The following C20orf96 variants were observed in gnomAD, a reference collection of about 807,000 sequenced individuals.
C20orf96 encodes the protein chromosome 20 open reading frame 96.
C20orf96 carries 57 observed loss-of-function variants against 52.6 expected under a neutral mutation model. That is an observed-to-expected ratio of 1.08 (90% CI 0.88 to 1.35). The LOEUF (loss-of-function observed/expected upper bound fraction) is 1.35, where lower values mean the gene tolerates loss of function less well. Among genes scored for constraint, C20orf96 ranks in the 40% most tolerant of loss-of-function variants. The pLI is 0.00. For missense variants in C20orf96, 478 were observed against 443.6 expected, an observed-to-expected ratio of 1.08 and a Z score of -0.70; for synonymous variants, 168 against 157.2, an observed-to-expected ratio of 1.07 and a Z score of -0.51.
chr20:279,848 T>G (rs956133365), intron 4 of C20orf96, among the ~76,000 whole-genome samples: 5 of 152,182 alleles, frequency 3.3e-5, no homozygotes, highest in African/African-American at 9.6e-5. Context: ...CGCGTGCCTG[T>G]AATGCCAGCT....
At chr20:288,705 G>T (rs970833461) in intron 3 of C20orf96, among the ~76,000 whole-genome samples, 1 of 152,158 alleles carries the variant, frequency 6.6e-6, no homozygotes, top group African/African-American at 2.4e-5. Context: ...TTTCAGTGTT[G>T]CCCACAGGGG....
At chr20:285,728 C>A (rs1393850040) in intron 3 of C20orf96, among the ~76,000 whole-genome samples, 4 of 152,072 alleles carry the variant, frequency 2.6e-5, no homozygotes, top group African/African-American at 9.7e-5. Flanking sequence ...ATAACAGGTG[C>A]CCGCCACCAC....
chr20:274,113 T>A (rs1226732162), intron 10 of C20orf96, among the ~76,000 whole-genome samples: 8 of 152,104 alleles, frequency 5.3e-5, no homozygotes, highest in Admixed American at 6.5e-5. Context: ...ACTTGGAATC[T>A]GCTTTTTAAC....
In C20orf96 at chr20:276,875, G is replaced by A. The variant is rs769920971; in HGVS notation, c.830C>T (p.Thr277Ile). The stretch of plus-strand genomic sequence containing the variant: ...GAGAGCCTCTTCATAGGGACGCTGG[G>A]TTTCCTGTGGAGGAAGAAGAGGTCT... ...KKILSSVVAE[T>I]QRPYEEALLQ... The change falls in exon 9 of 11, where the codon ACC (threonine) becomes ATC (isoleucine). Residue 277 changes from threonine (T) to isoleucine (I), a missense_variant. Transcript: ENST00000360321. 3 of 1,614,006 alleles carry A rather than the reference G, an allele frequency of 1.9e-6. No homozygotes were observed. Among genetic ancestry groups the A allele is most frequent in the Non-Finnish European group, 2.5e-6 (3 of 1,179,940 alleles).
intron 9 of C20orf96, 119 bp downstream of exon 9, chr20:276,674 C>T: frequency 6.7e-7 from 1 of 1,501,198 alleles, no homozygotes; most frequent in Middle Eastern, 1.8e-4. Flanking sequence ...GAGGCCAACA[C>T]CAGAGTCAGA....
At position 276,823 on chromosome 20, in the gene C20orf96, G is replaced by T; in HGVS notation, c.882C>A (p.Asp294Glu). 1 of 1,613,722 alleles carries T rather than the reference G, an allele frequency of 6.2e-7. No individual in the cohort carries two copies. Among genetic ancestry groups the T allele is most frequent in the Non-Finnish European group, 8.5e-7 (1 of 1,179,816 alleles). Residue 294 changes from aspartate (D) to glutamate (E), a missense_variant, in exon 9 of 11, where the codon GAC becomes GAA. Coordinates refer to ENST00000360321, the MANE Select transcript of C20orf96 (RefSeq NM_153269.3). ...TGAACCTTTGCATGCATTTCAGGAAGTCCTGGCTTTCCCACATCTTCTGTA... is the reference window on the plus strand; with the variant it reads ...TGAACCTTTGCATGCATTTCAGGAATTCCTGGCTTTCCCACATCTTCTGTA... ...ALLQKMWESQDFLKCMQRFRE... is the reference protein window; with the variant it reads ...ALLQKMWESQEFLKCMQRFRE...
At chr20:285,707 G>A (rs1000885723) in intron 3 of C20orf96, among the ~76,000 whole-genome samples, 49 of 152,140 alleles carry the variant, frequency 3.2e-4, no homozygotes, top group African/African-American at 1.2e-3. Context: ...TCAGCCTCCT[G>A]AATAGCTGGG....
At chr20:290,081 G>A (rs540099608) in intron 2 of C20orf96, among the ~76,000 whole-genome samples, 178 bp downstream of exon 2, 22 of 152,280 alleles carry the variant, frequency 1.4e-4, no homozygotes, top group South Asian at 8.3e-4. Context: ...ACAGTGAGAG[G>A]AGAAAAATGA....
intron 2 of C20orf96, among the ~76,000 whole-genome samples, 156 bp downstream of exon 2, chr20:290,103 T>C (rs1161219318): frequency 6.6e-6 from 1 of 152,148 alleles, no homozygotes; most frequent in African/African-American, 2.4e-5. Context: ...GTTCTGAGGC[T>C]TGCTCTGGGT....
intron 9 of C20orf96, 159 bp from the exon 10 acceptor site, chr20:276,245 A>G (rs3827150): frequency 0.42 from 409,361 of 984,922 alleles, 85,749 homozygotes; most frequent in Non-Finnish European, 0.43. Flanking sequence ...TCCCCATGCA[A>G]GGTGCGGCTG....
Position 277,248 on chromosome 20 carries a change from TGCA to T in C20orf96, c.698_700del (p.Leu233del). ...TACCTGCTGGCTGTCCTTAACCTGC[TGCA>T]GCTGGCGCATAAGAGTGGAGATCTG... On this transcript the variant is annotated inframe_deletion, in exon 7 of 11. Coordinates refer to ENST00000360321, the MANE Select transcript of C20orf96 (RefSeq NM_153269.3). 1 of 1,614,196 alleles carries T rather than the reference TGCA, an allele frequency of 6.2e-7. No homozygotes were observed. Among genetic ancestry groups the T allele is most frequent in the South Asian group, 1.1e-5 (1 of 91,092 alleles).
At position 270,872 on chromosome 20, in the gene C20orf96, A is replaced by T. The variant is rs1190605432; in HGVS notation, c.*335T>A. 2 of 305,730 alleles carry T rather than the reference A, an allele frequency of 6.5e-6. No individual in the cohort carries two copies. The highest frequency in any genetic ancestry group is 1.2e-5 in the Non-Finnish European group (2 of 163,686). 18.9% of individuals were successfully genotyped at this position (305,730 alleles called of 1,614,324 possible). A position where few individuals can be genotyped will look rare whatever the true frequency, so the allele number is the denominator to read the frequency against. ...AGACACTGGCAAAAAAGCAAATGTA[A>T]ATCCAGCTTTATTGGTAAAAAAGGA... On this transcript the variant is annotated 3_prime_UTR_variant, in exon 11 of 11. Coordinates refer to ENST00000360321, the MANE Select transcript of C20orf96 (RefSeq NM_153269.3).
intron 10 of C20orf96, 75 bp downstream of exon 10, chr20:275,893 T>A: frequency 7.0e-7 from 1 of 1,419,148 alleles, no homozygotes; most frequent in Non-Finnish European, 1.0e-6. Flanking sequence ...CCAGGCTGCC[T>A]TCCCCAAGAA....
At chr20:279,073 A>T (rs866050929) in intron 5 of C20orf96, 99 bp downstream of exon 5, 2 of 444,122 alleles carry the variant, frequency 4.5e-6, no homozygotes, top group South Asian at 6.6e-5. Flanking sequence ...GGAGGGAGGG[A>T]GGGAGGGACG....
intron 3 of C20orf96, among the ~76,000 whole-genome samples, chr20:287,254 A>G (rs937482738): frequency 1.3e-5 from 2 of 152,238 alleles, no homozygotes; most frequent in Admixed American, 1.3e-4. Flanking sequence ...ACTTGTTTCC[A>G]GAGAGGCTGC....
chr20:273,248 T>C (rs1346487918), intron 10 of C20orf96, among the ~76,000 whole-genome samples: 2 of 152,218 alleles, frequency 1.3e-5, no homozygotes, highest in East Asian at 3.9e-4. Flanking sequence ...ACGCTGAGAT[T>C]ACAGGCATGA....
Position 290,322 on chromosome 20 carries a change from G to T in C20orf96, c.21-15C>A, listed in dbSNP as rs761963771. The T allele has an allele frequency of 5.0e-6, 8 of 1,612,256 alleles. No homozygotes were observed. The highest frequency in any genetic ancestry group is 6.8e-6 in the Non-Finnish European group (8 of 1,179,118). On this transcript the variant is annotated splice_polypyrimidine_tract_variant and intron_variant, in intron 1 of 10. Transcript: ENST00000360321. ...AGTGCTTGGGTCTGGAAAGAGTTGGGAAGGGAAAGAACTTCCATTATCCCC... is the reference window on the plus strand; with the variant it reads ...AGTGCTTGGGTCTGGAAAGAGTTGGTAAGGGAAAGAACTTCCATTATCCCC...
In C20orf96 at chr20:279,376, G is replaced by A. The variant is rs200226636; in HGVS notation, c.307-46C>T. 7 of 1,571,078 alleles carry A rather than the reference G, an allele frequency of 4.5e-6. No individual in the cohort carries two copies. The Admixed American group carries it at 5.4e-5, about 12-fold the overall frequency. ...AGAGAGGCGGCGCTGCGCCCTGCCC[G>A]GCCTGAGCCCCCGAAAGCCCGTGGA... On this transcript the variant is annotated intron_variant, in intron 4 of 10. Coordinates refer to ENST00000360321, the MANE Select transcript of C20orf96 (RefSeq NM_153269.3).
rs1337063080 is a variant in C20orf96 at position 286,581 on chromosome 20, G to A, written c.188-2500C>T. Among the ~76,000 whole-genome samples, 4 of 143,504 alleles carry A rather than the reference G, an allele frequency of 2.8e-5. No individual in the cohort carries two copies. In the East Asian group the frequency reaches 7.7e-4, roughly 28 times the overall value. The allele number at this position is 143,504 out of a possible 152,430, so 94.1% of individuals were successfully genotyped here. On this transcript the variant is annotated intron_variant, in intron 3 of 10. Coordinates refer to ENST00000360321, the MANE Select transcript of C20orf96 (RefSeq NM_153269.3). ...GGAGAGGGGAGGGGAAGGGAGGGGAGAGGAAAAGGAAAAGAAAAAGAAAAA... is the reference window on the plus strand; with the variant it reads ...GGAGAGGGGAGGGGAAGGGAGGGGAAAGGAAAAGGAAAAGAAAAAGAAAAA...
Sources: allele counts gnomAD v4.1 joint callset (sites outside exome capture counted in the v4.1 genomes callset), GRCh38; gene constraint gnomAD v4.1.1; transcripts MANE v1.5; gene names NCBI Gene and HGNC (gene_info 2026-07-23, HGNC 2026-07-21).